PXDNL: variants seen among roughly 807,000 people sequenced by gnomAD.
PXDNL encodes the protein probable oxidoreductase PXDNL.
PXDNL carries 145 observed loss-of-function variants against 150.8 expected under a neutral mutation model. The observed-to-expected ratio is 0.96, with a 90% CI of 0.84 to 1.10. The LOEUF (loss-of-function observed/expected upper bound fraction) is 1.10. Among genes scored for constraint, PXDNL ranks in the 50% least tolerant of loss-of-function variants. PXDNL has a pLI of 0.00. For synonymous variants in PXDNL, 757 were observed against 725.7 expected, an observed-to-expected ratio of 1.04 and a Z score of -0.69; for missense variants, 2,087 against 1,873.9, an observed-to-expected ratio of 1.11 and a Z score of -2.10.
chr8:51,783,106 G>T (rs1234018689), intron 1 of PXDNL, among the ~76,000 whole-genome samples: 1 of 152,208 alleles, frequency 6.6e-6, no homozygotes, highest in Non-Finnish European at 1.5e-5. Flanking sequence ...GGTAAAAAGT[G>T]TCAAGATGGG....
At chr8:51,466,650 CA>C (rs1324481650) in intron 8 of PXDNL, among the ~76,000 whole-genome samples, 1 of 152,130 alleles carries the variant, frequency 6.6e-6, no homozygotes, top group Non-Finnish European at 1.5e-5. Flanking sequence ...ACACATCTGA[CA>C]AAAGCCTAAT....
At chr8:51,510,729 T>C (rs1358282863) in intron 4 of PXDNL, among the ~76,000 whole-genome samples, 1 of 152,152 alleles carries the variant, frequency 6.6e-6, no homozygotes, top group East Asian at 1.9e-4. Flanking sequence ...GCCACTATGG[T>C]TCACACCTGT....
chr8:51,791,569 T>TGG (rs2037513871), intron 1 of PXDNL, among the ~76,000 whole-genome samples: 1 of 152,214 alleles, frequency 6.6e-6, no homozygotes, highest in Non-Finnish European at 1.5e-5. Flanking sequence ...CTTAATTCCA[T>TGG]CTCGTTGGTC....
At chr8:51,596,728 C>A (rs760092962) in intron 2 of PXDNL, among the ~76,000 whole-genome samples, 1 of 151,780 alleles carries the variant, frequency 6.6e-6, no homozygotes, top group Non-Finnish European at 1.5e-5. Context: ...CTGTTCATGT[C>A]CTTTGCCCAT....
At chr8:51,498,287 C>T (rs1303999967) in intron 5 of PXDNL, among the ~76,000 whole-genome samples, 3 of 87,546 alleles carry the variant, frequency 3.4e-5, no homozygotes, top group Admixed American at 1.6e-4. Context: ...GTTGTGGGGT[C>T]GGGGGAGGGG....
intron 4 of PXDNL, among the ~76,000 whole-genome samples, chr8:51,518,107 T>A (rs868357861): frequency 2.6e-5 from 4 of 152,236 alleles, no homozygotes; most frequent in Non-Finnish European, 4.4e-5. Context: ...TTTGTTTTTA[T>A]CATAGACTTG....
chr8:51,563,004 A>C (rs139138430), intron 3 of PXDNL, among the ~76,000 whole-genome samples: 66 of 152,014 alleles, frequency 4.3e-4, no homozygotes, highest in African/African-American at 1.5e-3. Context: ...GACAAGAAAG[A>C]AATAGAGTAG....
chr8:51,720,157 ATTCT>A (rs1465881630), intron 1 of PXDNL, among the ~76,000 whole-genome samples: 1 of 151,534 alleles, frequency 6.6e-6, no homozygotes, highest in Admixed American at 6.6e-5. Context: ...AAATATTTTA[ATTCT>A]TTATTTCAAT....
chr8:51,550,464 T>C (rs1383716868), intron 4 of PXDNL, among the ~76,000 whole-genome samples: 1 of 152,114 alleles, frequency 6.6e-6, no homozygotes, highest in African/African-American at 2.4e-5. Context: ...TCCAACAGCA[T>C]ATCAAAAAGA....
chr8:51,771,834 C>T (rs2037298540), intron 1 of PXDNL, among the ~76,000 whole-genome samples: 1 of 152,162 alleles, frequency 6.6e-6, no homozygotes, highest in Admixed American at 6.5e-5. Context: ...GTGGCAAGTG[C>T]TCCCTTGATT....
intron 12 of PXDNL, chr8:51,436,136 A>T (rs1809401929): frequency 1.9e-6 from 1 of 515,036 alleles, no homozygotes; most frequent in Admixed American, 2.1e-5. Context: ...TTACTACATT[A>T]TGCTTTGTTA....
chr8:51,803,564 C>T (rs1444905319), intron 1 of PXDNL, among the ~76,000 whole-genome samples: 1 of 152,162 alleles, frequency 6.6e-6, no homozygotes, highest in Non-Finnish European at 1.5e-5. Flanking sequence ...TTCTGGGCTC[C>T]TCCTGAGTCT....
intron 4 of PXDNL, among the ~76,000 whole-genome samples, chr8:51,540,027 G>A (rs1259349673): frequency 6.6e-6 from 1 of 151,586 alleles, no homozygotes; most frequent in Non-Finnish European, 1.5e-5. Flanking sequence ...GGTCTTCTGA[G>A]TACTGGGACT....
Position 51,414,087 on chromosome 8 carries a change from A to G in PXDNL, c.1796-829T>C, listed in dbSNP as rs1404771919. On this transcript the variant is annotated intron_variant, in intron 14 of 22. Transcript: ENST00000356297. Reference sequence around the variant, plus strand: ...GAAAATAATGTCATTTAGGGGAAGTAAAAGTGATTAAAAACTTGAATAGTA... The same window carrying G: ...GAAAATAATGTCATTTAGGGGAAGTGAAAGTGATTAAAAACTTGAATAGTA... Among the ~76,000 whole-genome samples the G allele has an allele frequency of 2.6e-5, 4 of 152,098 alleles. No homozygotes were observed. In the East Asian group the frequency reaches 7.7e-4, roughly 29 times the overall value.
chr8:51,564,216 T>C (rs897308174), intron 3 of PXDNL, among the ~76,000 whole-genome samples: 29 of 151,948 alleles, frequency 1.9e-4, no homozygotes, highest in Admixed American at 3.9e-4. Context: ...TATGACACAA[T>C]GTTTGACAAA....
chr8:51,612,326 T>C (rs1206596591), intron 2 of PXDNL, among the ~76,000 whole-genome samples: 1 of 151,986 alleles, frequency 6.6e-6, no homozygotes, highest in Non-Finnish European at 1.5e-5. Flanking sequence ...GAAAGGCGAG[T>C]AAAATTGAGA....
chr8:51,361,577 T>C (rs545307699), intron 19 of PXDNL, among the ~76,000 whole-genome samples: 51 of 152,338 alleles, frequency 3.3e-4, no homozygotes, highest in Non-Finnish European at 6.6e-4. Context: ...CAAACACTTA[T>C]AGAAGTGGTA....
At chr8:51,658,848 C>G (rs1187168120) in intron 1 of PXDNL, among the ~76,000 whole-genome samples, 1 of 152,166 alleles carries the variant, frequency 6.6e-6, no homozygotes, top group South Asian at 2.1e-4. Flanking sequence ...AACTTCTCCA[C>G]AGTACTCCAC....
intron 1 of PXDNL, among the ~76,000 whole-genome samples, chr8:51,772,741 A>T (rs2037311998): frequency 6.6e-6 from 1 of 152,220 alleles, no homozygotes; most frequent in African/African-American, 2.4e-5. Context: ...ACAAGGTAGC[A>T]TGGGTCTGTC....
Sources: gnomAD v4.1 joint callset for allele counts (sites outside exome capture counted in the v4.1 genomes callset) on GRCh38, gnomAD v4.1.1 for gene constraint, MANE v1.5 for transcripts, NCBI Gene and HGNC (gene_info 2026-07-23, HGNC 2026-07-21) for gene names.